Variants in ALDH2 observed in about 807,000 individuals in gnomAD.
The protein encoded by ALDH2 is aldehyde dehydrogenase 2 family member.
ALDH2 carries 44 observed loss-of-function variants against 59.6 expected under a neutral mutation model. That is an observed-to-expected ratio of 0.74 (90% CI 0.58 to 0.95). The LOEUF (loss-of-function observed/expected upper bound fraction) is 0.95. Ranked by LOEUF, ALDH2 falls within the 40% of genes least tolerant of loss-of-function variation. The probability of loss-of-function intolerance (pLI) is 0.00; values close to 1 mark genes in which losing one functional copy is unlikely to be tolerated. For missense variants in ALDH2, 570 were observed against 696.3 expected, an observed-to-expected ratio of 0.82 and a Z score of 2.04; for synonymous variants, 291 against 284.0, an observed-to-expected ratio of 1.02 and a Z score of -0.25.
intron 10 of ALDH2, among the ~76,000 whole-genome samples, chr12:111,799,471 AT>A (rs749835920): frequency 0.019 from 2,691 of 139,686 alleles, 64 homozygotes; most frequent in African/African-American, 0.056. Context: ...CTGGCCAAAA[AT>A]TTTTTTTTTT....
At chr12:111,796,053 G>A (rs2068400543) in intron 9 of ALDH2, among the ~76,000 whole-genome samples, 1 of 151,636 alleles carries the variant, frequency 6.6e-6, no homozygotes, top group Non-Finnish European at 1.5e-5. Context: ...TTGAGCCCAG[G>A]ATTTCGAGAT....
intron 4 of ALDH2, among the ~76,000 whole-genome samples, chr12:111,785,714 ACT>A (rs1422162161): frequency 6.6e-6 from 1 of 152,134 alleles, no homozygotes; most frequent in African/African-American, 2.4e-5. Flanking sequence ...ACAGAGTGAG[ACT>A]CTGTCTCAAA....
In ALDH2 at chr12:111,783,234, C is replaced by A. The variant is rs772769308; in HGVS notation, c.296C>A (p.Ser99Ter). ...TCACCTTGGCGCCGCATGGACGCAT[C>A]ACACAGGGGCCGGCTGCTGAACCGC... The part of the protein sequence containing the change: ...LGSPWRRMDA[S>*]HRGRLLNRLA... Residue 99 changes from serine (S) to a stop codon, truncating the protein, a stop_gained, in exon 3 of 13, where the codon TCA becomes TAA. Transcript: ENST00000261733. LOFTEE classifies it high-confidence loss of function. 50 of 1,613,422 alleles carry A rather than the reference C, an allele frequency of 3.1e-5. No individual in the cohort carries two copies. Among genetic ancestry groups the A allele is most frequent in the Non-Finnish European group, 4.1e-5 (48 of 1,179,762 alleles).
chr12:111,799,835 C>G, intron 10 of ALDH2, 71 bp from the exon 11 acceptor site: 1 of 1,534,938 alleles, frequency 6.5e-7, no homozygotes, highest in Non-Finnish European at 8.9e-7. Flanking sequence ...ATCATCTGTT[C>G]TGCTCTGAGA....
At chr12:111,790,148 C>G (rs2068346034) in intron 5 of ALDH2, among the ~76,000 whole-genome samples, 1 of 152,178 alleles carries the variant, frequency 6.6e-6, no homozygotes, top group Admixed American at 6.6e-5. Flanking sequence ...GCCTCAGTTT[C>G]CCCATCTGAA....
intron 1 of ALDH2, among the ~76,000 whole-genome samples, chr12:111,774,708 G>A (rs1374319019): frequency 6.6e-6 from 1 of 152,126 alleles, no homozygotes; most frequent in African/African-American, 2.4e-5. Context: ...ACCACCCATT[G>A]TCATGAGGTC....
At chr12:111,767,335 C>G (rs2068166671) in intron 1 of ALDH2, among the ~76,000 whole-genome samples, 1 of 152,136 alleles carries the variant, frequency 6.6e-6, no homozygotes, top group Non-Finnish European at 1.5e-5. Context: ...CGTCTTCGCC[C>G]AGCCTCGGTC....
intron 1 of ALDH2, among the ~76,000 whole-genome samples, chr12:111,772,361 CTTTGTT>C (rs959686396): frequency 1.3e-5 from 2 of 151,892 alleles, no homozygotes; most frequent in Non-Finnish European, 2.9e-5. Context: ...TAGGAGTGTC[CTTTGTT>C]TTTGTTTTTG....
At position 111,814,631 on chromosome 12, in the gene ALDH2, G is replaced by T. The variant is rs991839197; in HGVS notation, c.*5056G>T. 6.6e-6 allele frequency: 1 copy of T among 151,364 alleles called. No individual in the cohort carries two copies. Among genetic ancestry groups the T allele is most frequent in the Admixed American group, 6.6e-5 (1 of 15,166 alleles). 9.4% of individuals were successfully genotyped at this position (151,364 alleles called of 1,614,324 possible). A position where few individuals can be genotyped will look rare whatever the true frequency, so the allele number is the denominator to read the frequency against. ...ATACTGAGGCGGGTGGATTACCTGA[G>T]GCCAGGAGTTCGAGATCAGCCTGGC... On this transcript the variant is annotated 3_prime_UTR_variant, in exon 13 of 13. Coordinates refer to ENST00000261733, the MANE Select transcript of ALDH2 (RefSeq NM_000690.4).
intron 7 of ALDH2, among the ~76,000 whole-genome samples, 172 bp from the exon 8 acceptor site, chr12:111,791,889 G>A (rs566829453): frequency 3.7e-4 from 57 of 152,156 alleles, no homozygotes; most frequent in Admixed American, 1.6e-3. Context: ...GTGACAGAGC[G>A]AGACCCTGTC....
At chr12:111,806,312 G>A (rs1407630849) in intron 12 of ALDH2, among the ~76,000 whole-genome samples, 8 of 148,780 alleles carry the variant, frequency 5.4e-5, no homozygotes, top group African/African-American at 2.0e-4. Flanking sequence ...GCGAGACTCC[G>A]TCTCAGGAAA....
chr12:111,795,110 G>C (rs530442805), intron 9 of ALDH2, among the ~76,000 whole-genome samples: 3 of 152,230 alleles, frequency 2.0e-5, no homozygotes, highest in South Asian at 2.1e-4. Flanking sequence ...CTTCTTCCAA[G>C]TAGCCATGTT....
chr12:111,776,597 C>T (rs1307676096), intron 1 of ALDH2, among the ~76,000 whole-genome samples: 3 of 151,154 alleles, frequency 2.0e-5, no homozygotes, highest in African/African-American at 7.3e-5. Flanking sequence ...CCCATCTCTA[C>T]AAAAAATACA....
At chr12:111,780,714 C>T (rs2068265227) in intron 1 of ALDH2, among the ~76,000 whole-genome samples, 1 of 152,102 alleles carries the variant, frequency 6.6e-6, no homozygotes, top group Non-Finnish European at 1.5e-5. Context: ...CTCTTTATTT[C>T]CTGGGCACCA....
rs763334012 is a variant in ALDH2, at chr12:111,798,212, G to T, written c.1218G>T (p.Val406=). 6.3e-7 allele frequency: 1 copy of T among 1,579,276 alleles called. No individual in the cohort carries two copies. The highest frequency in any genetic ancestry group is 1.2e-5 in the South Asian group (1 of 85,030). Residue 406 remains valine, a synonymous_variant, in exon 10 of 13, where the codon GTG becomes GTT. Coordinates refer to ENST00000261733, the MANE Select transcript of ALDH2 (RefSeq NM_000690.4). ...YFIQPTVFGD[V]QDGMTIAKEE... ...TCCAGCCCACTGTGTTTGGAGATGTGCAGGATGGCATGACCATCGCCAAGG... is the reference window on the plus strand; with the variant it reads ...TCCAGCCCACTGTGTTTGGAGATGTTCAGGATGGCATGACCATCGCCAAGG...
intron 11 of ALDH2, among the ~76,000 whole-genome samples, chr12:111,800,911 C>G (rs191300307): frequency 7.2e-5 from 11 of 152,248 alleles, no homozygotes; most frequent in Admixed American, 7.2e-4. Context: ...AAAAGGTGAA[C>G]ACAACCCAAA....
rs570864593 is a variant in ALDH2, at chr12:111,797,140, G to A, written c.1084-938G>A. On this transcript the variant is annotated intron_variant, in intron 9 of 12. Coordinates refer to ENST00000261733, the MANE Select transcript of ALDH2 (RefSeq NM_000690.4). ...AGTAGAGACGGGGTTTCACTATGTT[G>A]GCCAGGCTAGTCTTGAACTCCTGAC... is the stretch of plus-strand genomic sequence containing the variant. Among the ~76,000 whole-genome samples, 3 of 152,050 alleles carry A rather than the reference G, an allele frequency of 2.0e-5. No homozygotes were observed. The South Asian group carries it at 6.2e-4, about 32-fold the overall frequency.
In ALDH2 at chr12:111,791,438, C is replaced by T. The variant is rs746303014; in HGVS notation, c.795+19C>T. The T allele has an allele frequency of 1.9e-6, 3 of 1,584,460 alleles. No individual in the cohort carries two copies. The highest frequency in any genetic ancestry group is 2.3e-5 in the East Asian group (1 of 44,158). Reference sequence around the variant, plus strand: ...CACTGAGGTAAGGTGACCCTGGCCTCAAGCTTGCAGCCTCCTTGGCCCAAG... The same window carrying T: ...CACTGAGGTAAGGTGACCCTGGCCTTAAGCTTGCAGCCTCCTTGGCCCAAG... On this transcript the variant is annotated intron_variant, in intron 7 of 12. Coordinates refer to ENST00000261733, the MANE Select transcript of ALDH2 (RefSeq NM_000690.4).
rs2068349968 is a variant in ALDH2 at position 111,790,572 on chromosome 12, T to A, written c.681+10T>A. The A allele has an allele frequency of 6.2e-7, 1 of 1,613,992 alleles. No homozygotes were observed. The highest frequency in any genetic ancestry group is 8.5e-7 in the Non-Finnish European group (1 of 1,180,004). On this transcript the variant is annotated intron_variant, in intron 6 of 12. Transcript: ENST00000261733. ...CAACCTGATCAAGGAGGTGCGTGGC[T>A]TATCCTGGTCTTAACCTCTAAATGC...
Sources: gnomAD v4.1 joint callset for allele counts (sites outside exome capture counted in the v4.1 genomes callset) on GRCh38, gnomAD v4.1.1 for gene constraint, MANE v1.5 for transcripts, NCBI Gene and HGNC (gene_info 2026-07-23, HGNC 2026-07-21) for gene names.